The following ELAPOR1 variants were observed in gnomAD, a reference collection of about 807,000 sequenced individuals.
ELAPOR1 encodes the protein endosome/lysosome-associated apoptosis and autophagy regulator 1.
Under a neutral mutation model 119.7 loss-of-function variants are expected in ELAPOR1, and 77 were observed. The observed-to-expected ratio is 0.64, with a 90% confidence interval of 0.54 to 0.78. The LOEUF (loss-of-function observed/expected upper bound fraction) is 0.78, where lower values mean the gene tolerates loss of function less well. Among genes scored for constraint, ELAPOR1 ranks in the 30% least tolerant of loss-of-function variants. The probability of loss-of-function intolerance (pLI) is 0.00; values close to 1 mark genes in which losing one functional copy is unlikely to be tolerated. For missense variants in ELAPOR1, 1,115 were observed against 1,270.4 expected (o/e 0.88, Z 1.86); for synonymous variants, 481 against 487.2 (o/e 0.99, Z 0.17).
At chr1:109,151,454 C>T (rs1054613313) in intron 1 of ELAPOR1, among the ~76,000 whole-genome samples, 3 of 152,192 alleles carry the variant, frequency 2.0e-5, no homozygotes, top group African/African-American at 7.2e-5. Flanking sequence ...CGCAGTGCCC[C>T]TGAGCCTCAA....
chr1:109,194,392 C>A (rs1184237042), intron 14 of ELAPOR1, 29 bp from the exon 15 acceptor site: 1 of 1,603,914 alleles, frequency 6.2e-7, no homozygotes, highest in African/African-American at 1.3e-5. Context: ...TCCTGACCAG[C>A]TGGCCCGACC....
chr1:109,135,926 G>A (rs957416720), intron 1 of ELAPOR1, among the ~76,000 whole-genome samples: 4 of 152,168 alleles, frequency 2.6e-5, no homozygotes, highest in African/African-American at 9.7e-5. Flanking sequence ...AAAGTCCAAG[G>A]ACCATGAGGG....
In ELAPOR1 at chr1:109,162,043, C is replaced by T. The variant is rs746477810; in HGVS notation, c.274+29C>T. On this transcript the variant is annotated intron_variant, in intron 2 of 21. Transcript: ENST00000369939. The stretch of plus-strand genomic sequence containing the variant: ...AGCAGCTATCCTGCTCAGGGCCTCC[C>T]TGTCACTCAGCTTTGGTCTCTCCCC... 9.4e-6 allele frequency: 15 copies of T among 1,591,598 alleles called. No individual in the cohort carries two copies. The African/African-American group carries it at 1.5e-4, about 16-fold the overall frequency.
chr1:109,141,033 G>A (rs912921497), intron 1 of ELAPOR1, among the ~76,000 whole-genome samples: 1 of 151,944 alleles, frequency 6.6e-6, no homozygotes, highest in Admixed American at 6.6e-5. Flanking sequence ...TGTGTTTTTA[G>A]TAGAGACGGG....
intron 1 of ELAPOR1, among the ~76,000 whole-genome samples, chr1:109,139,063 C>T (rs1558025824): frequency 6.6e-6 from 1 of 151,912 alleles, no homozygotes; most frequent in South Asian, 2.1e-4. Context: ...ACTAAAGTTA[C>T]CTCGTGGCTG....
intron 1 of ELAPOR1, among the ~76,000 whole-genome samples, chr1:109,118,346 G>A (rs17838320): frequency 0.01 from 1,537 of 152,290 alleles, 28 homozygotes; most frequent in African/African-American, 0.035. Context: ...GCAATAGTGT[G>A]AGATACAAAG....
intron 15 of ELAPOR1, 143 bp from the exon 16 acceptor site, chr1:109,197,331 A>G: frequency 1.4e-6 from 1 of 713,162 alleles, no homozygotes; most frequent in Non-Finnish European, 2.4e-6. Context: ...TCTCGTCATT[A>G]GACCTGGGAT....
At chr1:109,166,224 T>A (rs963462160) in intron 3 of ELAPOR1, among the ~76,000 whole-genome samples, 1 of 151,996 alleles carries the variant, frequency 6.6e-6, no homozygotes, top group Non-Finnish European at 1.5e-5. Context: ...AATTTTTTTG[T>A]ATTTTTTTAG....
intron 3 of ELAPOR1, among the ~76,000 whole-genome samples, chr1:109,168,839 G>C (rs189849796): frequency 2.0e-5 from 3 of 152,098 alleles, no homozygotes; most frequent in Admixed American, 1.3e-4. Flanking sequence ...TTGATGAGAT[G>C]ATACTTGTAA....
intron 1 of ELAPOR1, among the ~76,000 whole-genome samples, chr1:109,121,928 C>T (rs1267025620): frequency 3.3e-5 from 5 of 151,832 alleles, no homozygotes; most frequent in Non-Finnish European, 2.9e-5. Flanking sequence ...CACCCGTCAC[C>T]ACGCCCGGCT....
At chr1:109,132,063 T>G (rs1475851688) in intron 1 of ELAPOR1, among the ~76,000 whole-genome samples, 1 of 152,192 alleles carries the variant, frequency 6.6e-6, no homozygotes, top group African/African-American at 2.4e-5. Flanking sequence ...ATACTTGTTT[T>G]GGACAACAGA....
intron 1 of ELAPOR1, among the ~76,000 whole-genome samples, chr1:109,122,816 G>A (rs1160764234): frequency 1.3e-5 from 2 of 152,178 alleles, no homozygotes; most frequent in Admixed American, 6.6e-5. Context: ...AATTAGCTGG[G>A]CATGATGGTG....
At chr1:109,133,552 T>C (rs1276981158) in intron 1 of ELAPOR1, among the ~76,000 whole-genome samples, 1 of 152,236 alleles carries the variant, frequency 6.6e-6, no homozygotes, top group Non-Finnish European at 1.5e-5. Flanking sequence ...GAGACTGTAG[T>C]ATCTCCGGAT....
chr1:109,160,299 AC>A (rs1401887907), intron 1 of ELAPOR1, among the ~76,000 whole-genome samples: 2 of 151,116 alleles, frequency 1.3e-5, no homozygotes, highest in African/African-American at 4.9e-5. Context: ...AGAGCAAGAG[AC>A]TGTCTAAAAA....
rs189026607 is a variant in ELAPOR1, at chr1:109,195,025, G to A, written c.2121+431G>A. Reference sequence around the variant, plus strand: ...CTCGAGAGGCTGAGGCAGGAGAATCGCTTGAACCTGAGAGGTGGAGGTTGC... The same window carrying A: ...CTCGAGAGGCTGAGGCAGGAGAATCACTTGAACCTGAGAGGTGGAGGTTGC... On this transcript the variant is annotated intron_variant, in intron 15 of 21. Coordinates refer to ENST00000369939, the MANE Select transcript of ELAPOR1 (RefSeq NM_020775.5). 5.9e-3 allele frequency among the ~76,000 whole-genome samples: 898 copies of A among 152,240 alleles called. 8 individuals are homozygous for A. Among genetic ancestry groups the A allele is most frequent in the African/African-American group, 0.021 (864 of 41,542 alleles).
intron 1 of ELAPOR1, among the ~76,000 whole-genome samples, chr1:109,157,172 A>T (rs925934922): frequency 6.6e-6 from 1 of 152,068 alleles, no homozygotes; most frequent in African/African-American, 2.4e-5. Flanking sequence ...ACAGTATGTA[A>T]GTGTGACAGG....
At chr1:109,145,011 G>A (rs1320499728) in intron 1 of ELAPOR1, among the ~76,000 whole-genome samples, 5 of 152,066 alleles carry the variant, frequency 3.3e-5, no homozygotes, top group African/African-American at 1.2e-4. Flanking sequence ...AAATTCAAGT[G>A]TTACCAATGT....
intron 1 of ELAPOR1, among the ~76,000 whole-genome samples, chr1:109,134,709 T>G (rs1171578909): frequency 6.6e-6 from 1 of 152,094 alleles, no homozygotes; most frequent in Non-Finnish European, 1.5e-5. Context: ...CCTTCGTCAT[T>G]ACAACTTTGA....
chr1:109,161,761 C>A, intron 1 of ELAPOR1, 133 bp from the exon 2 acceptor site: 1 of 1,046,466 alleles, frequency 9.6e-7, no homozygotes, highest in Non-Finnish European at 1.4e-6. Flanking sequence ...ATCATCAGCT[C>A]CCTGCCCGGG....
Sources: allele counts gnomAD v4.1 joint callset (sites outside exome capture counted in the v4.1 genomes callset), GRCh38; gene constraint gnomAD v4.1.1; transcripts MANE v1.5; gene names NCBI Gene and HGNC (gene_info 2026-07-23, HGNC 2026-07-21).